Variants in ITCH observed in about 807,000 individuals in gnomAD.
ITCH encodes the protein itchy E3 ubiquitin protein ligase.
Under a neutral mutation model 126.8 loss-of-function variants are expected in ITCH, and 28 were observed. The ratio of observed to expected loss-of-function variants is 0.22; its 90% confidence interval spans 0.16 to 0.30. The LOEUF is 0.30. Ranked by LOEUF, ITCH falls within the 10% of genes least tolerant of loss-of-function variation. The probability of loss-of-function intolerance (pLI) is 1.00; values close to 1 mark genes in which losing one functional copy is unlikely to be tolerated. For synonymous variants in ITCH, 342 were observed against 340.0 expected (o/e 1.01, Z -0.06); for missense variants, 631 against 1,032.4 (o/e 0.61, Z 5.33).
At chr20:34,450,838 T>C (rs1985110354) in intron 12 of ITCH, 2 of 152,248 alleles carry the variant, frequency 1.3e-5, no homozygotes, top group African/African-American at 4.8e-5. Context: ...GGTTAATAAA[T>C]GCTACTGGGG....
At chr20:34,504,246 C>T in intron 23 of ITCH, 85 bp from the exon 24 acceptor site, 1 of 999,310 alleles carries the variant, frequency 1.0e-6, no homozygotes. Context: ...CAAGTTCCCT[C>T]ATGATGCTGA....
chr20:34,489,413 T>C (rs1568998444), intron 21 of ITCH, 27 bp downstream of exon 21: 9 of 1,601,506 alleles, frequency 5.6e-6, no homozygotes, highest in African/African-American at 2.7e-5. Context: ...CATTCCCCTG[T>C]ACCATGCTAG....
intron 10 of ITCH, 88 bp downstream of exon 10, chr20:34,442,391 T>C: frequency 1.0e-6 from 1 of 1,004,606 alleles, no homozygotes; most frequent in Non-Finnish European, 1.5e-6. Context: ...TCTGTTTTAC[T>C]TTTTCTTGTC....
At chr20:34,368,831 G>T (rs1322193729) in intron 1 of ITCH, among the ~76,000 whole-genome samples, 1 of 152,038 alleles carries the variant, frequency 6.6e-6, no homozygotes, top group Non-Finnish European at 1.5e-5. Context: ...ACCCTTATAG[G>T]CTGGTGTATT....
intron 1 of ITCH, among the ~76,000 whole-genome samples, chr20:34,367,805 C>T (rs559016588): frequency 8.1e-4 from 124 of 152,220 alleles, no homozygotes; most frequent in African/African-American, 2.7e-3. Flanking sequence ...AACTCTGGGA[C>T]TGGTATTCTC....
rs774383028 is a variant in ITCH, at chr20:34,477,806, G to A, written c.1604G>A (p.Arg535His). The change falls in exon 17 of 25, where the codon CGT (arginine) becomes CAT (histidine). Residue 535 changes from arginine to histidine, a missense_variant. Coordinates refer to ENST00000374864, the MANE Select transcript of ITCH (RefSeq NM_031483.7). ...MSFSPQDLRR[R>H]LWVIFPGEEG... ...TTCAGTCCCCAAGATCTGCGAAGAC[G>A]TTTGTGGGTGATTTTTCCAGGAGAA... 5.0e-6 allele frequency: 8 copies of A among 1,613,604 alleles called. No homozygotes were observed. Among genetic ancestry groups the A allele is most frequent in the South Asian group, 2.2e-5 (2 of 91,078 alleles).
intron 12 of ITCH, among the ~76,000 whole-genome samples, chr20:34,455,250 G>T (rs1186445135): frequency 1.3e-5 from 2 of 152,048 alleles, no homozygotes; most frequent in Non-Finnish European, 2.9e-5. Context: ...AAAAGTTTCA[G>T]TTCATTCTAT....
chr20:34,427,503 T>TGGAGTGGGGAGGGTGCCC (rs1981702170), intron 7 of ITCH, among the ~76,000 whole-genome samples: 1 of 152,060 alleles, frequency 6.6e-6, no homozygotes, highest in East Asian at 1.9e-4. Flanking sequence ...TCCCAGCTGT[T>TGGAGTGGGGAGGGTGCCC]GGAGTGGGGA....
chr20:34,447,513 C>G (rs1831397954), intron 11 of ITCH, among the ~76,000 whole-genome samples: 1 of 152,148 alleles, frequency 6.6e-6, no homozygotes, highest in Admixed American at 6.5e-5. Flanking sequence ...CATTTTAAGT[C>G]TCAGAGTGGA....
In ITCH at chr20:34,387,636, A is replaced by G. The variant is rs1055672586; in HGVS notation, c.-21-6155A>G. On this transcript the variant is annotated intron_variant, in intron 2 of 24. Coordinates refer to ENST00000374864, the MANE Select transcript of ITCH (RefSeq NM_031483.7). ...CCCTGTCTCAAAAAAAAAAAAAAAG[A>G]CCCTGTTTTGAGTTTCTTTGTAACT... Among the ~76,000 whole-genome samples the G allele has an allele frequency of 1.2e-3, 182 of 151,412 alleles. 1 individual carries two copies. The highest frequency in any genetic ancestry group is 4.2e-3 in the African/African-American group (173 of 41,256).
intron 2 of ITCH, among the ~76,000 whole-genome samples, chr20:34,390,187 A>C (rs1421496436): frequency 2.6e-5 from 4 of 152,132 alleles, no homozygotes; most frequent in Admixed American, 6.6e-5. Context: ...TCTTGCATGC[A>C]ACAGGCAGTT....
At chr20:34,443,376 G>A (rs1355243978) in intron 10 of ITCH, among the ~76,000 whole-genome samples, 1 of 151,524 alleles carries the variant, frequency 6.6e-6, no homozygotes, top group Non-Finnish European at 1.5e-5. Flanking sequence ...TGGGTGTTGT[G>A]GCGCGCCTGT....
chr20:34,435,980 A>G (rs983602887), intron 7 of ITCH, among the ~76,000 whole-genome samples: 1 of 152,216 alleles, frequency 6.6e-6, no homozygotes, highest in Non-Finnish European at 1.5e-5. Flanking sequence ...AATTCTAAGT[A>G]TCAAGGAAAT....
intron 3 of ITCH, among the ~76,000 whole-genome samples, chr20:34,401,395 T>A (rs2038879910): frequency 6.6e-6 from 1 of 152,102 alleles, no homozygotes; most frequent in Non-Finnish European, 1.5e-5. Flanking sequence ...GTTAAGAAAT[T>A]AACTTTCCAA....
chr20:34,481,060 G>C lies in ITCH; in HGVS notation c.1953-6G>C, dbSNP rs758698688. ...ATAACAAATAGTGCTAATTTCATTT[G>C]TGCAGGGAAAACAATATTGAGGAAT... On this transcript the variant is annotated splice_region_variant and splice_polypyrimidine_tract_variant and intron_variant, in intron 19 of 24. Transcript: ENST00000374864. 15 of 1,613,134 alleles carry C rather than the reference G, an allele frequency of 9.3e-6. No homozygotes were observed. Among genetic ancestry groups the C allele is most frequent in the Non-Finnish European group, 1.3e-5 (15 of 1,179,458 alleles).
chr20:34,385,792 A>T (rs1014900425), intron 2 of ITCH, among the ~76,000 whole-genome samples: 5 of 152,060 alleles, frequency 3.3e-5, no homozygotes, highest in Admixed American at 3.3e-4. Context: ...TTGGTTGGAA[A>T]GTGGGAAAGG....
intron 14 of ITCH, among the ~76,000 whole-genome samples, chr20:34,465,684 ATTG>A (rs1234880051): frequency 3.3e-5 from 5 of 151,968 alleles, no homozygotes; most frequent in African/African-American, 9.7e-5. Context: ...TGTAAATGGA[ATTG>A]TTATCTTAAT....
intron 2 of ITCH, among the ~76,000 whole-genome samples, chr20:34,377,100 A>T (rs1336227369): frequency 1.3e-5 from 2 of 152,144 alleles, no homozygotes; most frequent in Non-Finnish European, 2.9e-5. Flanking sequence ...CAGGCCAGGC[A>T]TGGTGGCTCA....
At chr20:34,399,669 G>A (rs1011740375) in intron 3 of ITCH, among the ~76,000 whole-genome samples, 1 of 151,610 alleles carries the variant, frequency 6.6e-6, no homozygotes, top group Non-Finnish European at 1.5e-5. Context: ...GTGAAACCCT[G>A]TTTCTACTAA....
Sources: allele counts gnomAD v4.1 joint callset (sites outside exome capture counted in the v4.1 genomes callset), GRCh38; gene constraint gnomAD v4.1.1; transcripts MANE v1.5; gene names NCBI Gene and HGNC (gene_info 2026-07-23, HGNC 2026-07-21).